The following SLC9A9 variants were observed in gnomAD, a reference collection of about 807,000 sequenced individuals.
SLC9A9 encodes the protein sodium/hydrogen exchanger 9.
In SLC9A9, 62 loss-of-function variants were observed where a neutral mutation model predicts 77.8. The ratio of observed to expected loss-of-function variants is 0.80; its 90% CI spans 0.65 to 0.98. SLC9A9 has a LOEUF of 0.98. Among genes scored for constraint, SLC9A9 ranks in the 50% least tolerant of loss-of-function variants. The pLI is 0.00. For missense variants in SLC9A9, 775 were observed against 774.9 expected (o/e 1.00, Z 0.00); for synonymous variants, 320 against 283.5 (o/e 1.13, Z -1.29).
chr3:143,439,261 G>A (rs1480516415), intron 12 of SLC9A9, among the ~76,000 whole-genome samples: 1 of 152,214 alleles, frequency 6.6e-6, no homozygotes, highest in Non-Finnish European at 1.5e-5. Flanking sequence ...CAGATGTGCA[G>A]AAAGGTGAAA....
chr3:143,834,820 G>A (rs932388833), intron 1 of SLC9A9, among the ~76,000 whole-genome samples: 1 of 152,112 alleles, frequency 6.6e-6, no homozygotes, highest in African/African-American at 2.4e-5. Flanking sequence ...GCTGCTTGCT[G>A]CCATTGTGGC....
chr3:143,472,417 T>C (rs938793692), intron 11 of SLC9A9, among the ~76,000 whole-genome samples: 2 of 152,332 alleles, frequency 1.3e-5, no homozygotes, highest in South Asian at 4.1e-4. Flanking sequence ...TTTGTGTACA[T>C]AATTTTCTAT....
At chr3:143,781,118 G>C (rs560819101) in intron 4 of SLC9A9, among the ~76,000 whole-genome samples, 1 of 152,000 alleles carries the variant, frequency 6.6e-6, no homozygotes, top group African/African-American at 2.4e-5. Context: ...GCCAATATTG[G>C]TACATTATTA....
At chr3:143,578,769 T>C (rs542680024) in intron 6 of SLC9A9, 46 bp from the exon 7 acceptor site, 4 of 1,611,882 alleles carry the variant, frequency 2.5e-6, no homozygotes, top group African/African-American at 1.3e-5. Context: ...TTTCATCTCA[T>C]AGCCCAGATA....
At chr3:143,551,823 G>T (rs1198088174) in intron 9 of SLC9A9, among the ~76,000 whole-genome samples, 2 of 152,176 alleles carry the variant, frequency 1.3e-5, no homozygotes, top group African/African-American at 4.8e-5. Context: ...CTAGCATGGT[G>T]CTTGGCGCAG....
intron 5 of SLC9A9, among the ~76,000 whole-genome samples, chr3:143,662,887 A>C (rs143159563): frequency 6.6e-6 from 1 of 152,288 alleles, no homozygotes; most frequent in African/African-American, 2.4e-5. Flanking sequence ...GCATAGCTGA[A>C]CAAAAGTGAG....
At chr3:143,443,617 T>C (rs1435351190) in intron 12 of SLC9A9, among the ~76,000 whole-genome samples, 1 of 152,160 alleles carries the variant, frequency 6.6e-6, no homozygotes, top group Non-Finnish European at 1.5e-5. Flanking sequence ...CTCTTTTTCA[T>C]GTGTAAGGAC....
chr3:143,544,393 A>AT (rs1277217612), intron 9 of SLC9A9, among the ~76,000 whole-genome samples: 2 of 151,642 alleles, frequency 1.3e-5, no homozygotes, highest in African/African-American at 2.4e-5. Flanking sequence ...CGCTCGGCTA[A>AT]TTTTTTTGTA....
chr3:143,794,859 A>C, intron 4 of SLC9A9, 142 bp downstream of exon 4: 1 of 762,820 alleles, frequency 1.3e-6, no homozygotes, highest in South Asian at 1.5e-5. Flanking sequence ...CGTGGAATTA[A>C]GTCAGAAAAA....
intron 14 of SLC9A9, among the ~76,000 whole-genome samples, chr3:143,350,957 C>A (rs564240371): frequency 6.6e-6 from 1 of 152,256 alleles, no homozygotes; most frequent in South Asian, 2.1e-4. Context: ...CAAAATAAAC[C>A]CAGAATTGAG....
intron 12 of SLC9A9, among the ~76,000 whole-genome samples, chr3:143,435,642 G>A (rs2034609437): frequency 6.6e-6 from 1 of 152,102 alleles, no homozygotes; most frequent in Admixed American, 6.6e-5. Context: ...TTATCTTAAA[G>A]GTAGGAATCA....
rs554678405 is a variant in SLC9A9, at chr3:143,324,928, A to C, written c.1604+38556T>G. ...CCTCTTCCACCTTGTACACTAATTC[A>C]GCTTAATCTTTTAAAAATAATGTCA... On this transcript the variant is annotated intron_variant, in intron 14 of 15. Coordinates refer to ENST00000316549, the MANE Select transcript of SLC9A9 (RefSeq NM_173653.4). 5.6e-4 allele frequency among the ~76,000 whole-genome samples: 85 copies of C among 152,272 alleles called. 2 individuals carry two copies. The South Asian group carries it at 1.0e-2, about 18-fold the overall frequency.
At chr3:143,459,128 A>AT (rs1218258053) in intron 12 of SLC9A9, among the ~76,000 whole-genome samples, 2 of 136,594 alleles carry the variant, frequency 1.5e-5, no homozygotes, top group African/African-American at 5.3e-5. Context: ...TTTTTTTTTC[A>AT]TTTTTCCATT....
intron 14 of SLC9A9, among the ~76,000 whole-genome samples, chr3:143,356,018 G>A (rs532361033): frequency 1.3e-5 from 2 of 152,260 alleles, no homozygotes; most frequent in Admixed American, 1.3e-4. Context: ...GCAAAACAAA[G>A]CAGAGATACC....
At chr3:143,721,267 TA>T (rs1256332166) in intron 4 of SLC9A9, among the ~76,000 whole-genome samples, 1 of 152,164 alleles carries the variant, frequency 6.6e-6, no homozygotes, top group African/African-American at 2.4e-5. Context: ...AGTGCCTCTT[TA>T]AAATCCCCCT....
At position 143,681,887 on chromosome 3, in the gene SLC9A9, C is replaced by T. The variant is rs73007447; in HGVS notation, c.649+11305G>A. Among the ~76,000 whole-genome samples, 1,346 of 152,274 alleles carry T rather than the reference C, an allele frequency of 8.8e-3. 25 individuals carry two copies. The highest frequency in any genetic ancestry group is 0.031 in the African/African-American group (1,281 of 41,560). ...TTCAGGTACCTGGAGGAGATAGGTC[C>T]CTTACCCAGTAACCAAAGAATCAAA... is the stretch of plus-strand genomic sequence containing the variant. On this transcript the variant is annotated intron_variant, in intron 5 of 15. Coordinates refer to ENST00000316549, the MANE Select transcript of SLC9A9 (RefSeq NM_173653.4).
intron 14 of SLC9A9, among the ~76,000 whole-genome samples, chr3:143,339,007 G>A (rs2032011012): frequency 6.6e-6 from 1 of 152,118 alleles, no homozygotes; most frequent in South Asian, 2.1e-4. Context: ...TTATTTATTA[G>A]TAAATTACAG....
intron 14 of SLC9A9, among the ~76,000 whole-genome samples, chr3:143,302,300 T>A (rs943397154): frequency 6.6e-6 from 1 of 152,170 alleles, no homozygotes; most frequent in African/African-American, 2.4e-5. Flanking sequence ...TCACTAGCAC[T>A]CAGCATACTG....
At chr3:143,606,174 G>A (rs2037918252) in intron 6 of SLC9A9, among the ~76,000 whole-genome samples, 1 of 151,908 alleles carries the variant, frequency 6.6e-6, no homozygotes, top group Non-Finnish European at 1.5e-5. Flanking sequence ...GGAGGCTGAG[G>A]TGGGTGGACC....
Sources: gnomAD v4.1 joint callset for allele counts (sites outside exome capture counted in the v4.1 genomes callset) on GRCh38, gnomAD v4.1.1 for gene constraint, MANE v1.5 for transcripts, NCBI Gene and HGNC (gene_info 2026-07-23, HGNC 2026-07-21) for gene names.